Variants in DTD1 observed in about 807,000 individuals in gnomAD.
The protein encoded by DTD1 is D-aminoacyl-tRNA deacylase 1.
In DTD1, 13 loss-of-function variants were observed where a neutral mutation model predicts 25.6. That is an observed-to-expected ratio of 0.51 (90% CI 0.33 to 0.81). The LOEUF is 0.81. Among genes scored for constraint, DTD1 ranks in the 30% least tolerant of loss-of-function variants. The pLI is 0.02. For synonymous variants in DTD1, 110 were observed against 103.6 expected (o/e 1.06, Z -0.37); for missense variants, 193 against 266.4 (o/e 0.72, Z 1.92).
intron 5 of DTD1, among the ~76,000 whole-genome samples, chr20:18,747,419 T>C (rs1220458887): frequency 6.6e-6 from 1 of 152,144 alleles, no homozygotes; most frequent in African/African-American, 2.4e-5. Flanking sequence ...CTCCCCGCCA[T>C]GTTTCTGTGT....
chr20:18,708,277 A>ATTTT (rs376267580), intron 4 of DTD1, among the ~76,000 whole-genome samples: 1 of 15,588 alleles, frequency 6.4e-5, no homozygotes, highest in Non-Finnish European at 1.4e-4. Flanking sequence ...ATATATATAT[A>ATTTT]ATATATATTA....
chr20:18,756,331 A>G (rs571135347), intron 5 of DTD1, among the ~76,000 whole-genome samples: 176 of 152,304 alleles, frequency 1.2e-3, no homozygotes, highest in Middle Eastern at 3.4e-3. Flanking sequence ...TGTTTTAGAC[A>G]TGAAGTCCTT....
chr20:18,699,157 T>C (rs948189493), intron 4 of DTD1, among the ~76,000 whole-genome samples: 3 of 152,150 alleles, frequency 2.0e-5, no homozygotes, highest in Non-Finnish European at 2.9e-5. Flanking sequence ...GGGGCTCTTA[T>C]TTAATAGCCT....
intron 4 of DTD1, among the ~76,000 whole-genome samples, chr20:18,648,838 T>C (rs1384368098): frequency 1.3e-5 from 2 of 151,406 alleles, no homozygotes; most frequent in African/African-American, 4.9e-5. Flanking sequence ...CTACTAAAAA[T>C]ACAAAAAATT....
chr20:18,617,602 G>C (rs1284422493), intron 3 of DTD1, among the ~76,000 whole-genome samples: 1 of 151,970 alleles, frequency 6.6e-6, no homozygotes. Flanking sequence ...AGGTAGTTCA[G>C]ACATCAAAAT....
chr20:18,758,822 C>T (rs1169799368), intron 5 of DTD1, among the ~76,000 whole-genome samples: 1 of 152,108 alleles, frequency 6.6e-6, no homozygotes, highest in Non-Finnish European at 1.5e-5. Context: ...TCCTGTATAT[C>T]CTTGTTGACT....
intron 5 of DTD1, among the ~76,000 whole-genome samples, chr20:18,747,228 A>G (rs372940732): frequency 2.0e-5 from 3 of 152,202 alleles, no homozygotes; most frequent in East Asian, 3.9e-4. Flanking sequence ...TCAGAAACTC[A>G]TCGAGGTCTT....
intron 4 of DTD1, among the ~76,000 whole-genome samples, chr20:18,697,726 C>T (rs2061084058): frequency 6.6e-6 from 1 of 152,188 alleles, no homozygotes; most frequent in African/African-American, 2.4e-5. Context: ...GCTCTTTCGC[C>T]CAGGCCGGAG....
intron 4 of DTD1, among the ~76,000 whole-genome samples, chr20:18,659,859 A>G (rs2060902642): frequency 6.6e-6 from 1 of 152,166 alleles, no homozygotes; most frequent in Non-Finnish European, 1.5e-5. Flanking sequence ...ACCATAGCAC[A>G]TGTATACCTA....
At position 18,758,974 on chromosome 20, in the gene DTD1, C is replaced by G. The variant is rs563394241; in HGVS notation, c.*20-4386C>G. On this transcript the variant is annotated intron_variant, in intron 5 of 5. Transcript: ENST00000377452. The stretch of plus-strand genomic sequence containing the variant: ...TTAGCTCTTCTTGTTGAAATGATCT[C>G]TTTACCATTATGTAATGGCCTTCTT... Among the ~76,000 whole-genome samples, 195 of 152,318 alleles carry G rather than the reference C, an allele frequency of 1.3e-3. 1 individual carries two copies. Among genetic ancestry groups the G allele is most frequent in the African/African-American group, 4.6e-3 (191 of 41,566 alleles).
At chr20:18,639,147 A>T (rs1325513972) in intron 4 of DTD1, among the ~76,000 whole-genome samples, 1 of 150,450 alleles carries the variant, frequency 6.6e-6, no homozygotes, top group African/African-American at 2.5e-5. Flanking sequence ...GTCTGGACAC[A>T]AAAGCCAGAA....
chr20:18,753,593 G>A (rs1272108400), intron 5 of DTD1, among the ~76,000 whole-genome samples: 1 of 50,360 alleles, frequency 2.0e-5, no homozygotes, highest in African/African-American at 9.2e-5. Context: ...GGGCAATGAA[G>A]CGAAACTCTG....
At chr20:18,676,148 T>G (rs2060973385) in intron 4 of DTD1, among the ~76,000 whole-genome samples, 1 of 152,172 alleles carries the variant, frequency 6.6e-6, no homozygotes, top group Non-Finnish European at 1.5e-5. Context: ...GTAGCCCAGG[T>G]TGATGCTTGC....
intron 4 of DTD1, among the ~76,000 whole-genome samples, chr20:18,723,408 A>G (rs574744071): frequency 6.6e-6 from 1 of 152,340 alleles, no homozygotes; most frequent in South Asian, 2.1e-4. Flanking sequence ...GATAATAATA[A>G]GTATATTTCA....
At chr20:18,588,240 T>C in intron 1 of DTD1, 125 bp downstream of exon 1, 1 of 955,446 alleles carries the variant, frequency 1.0e-6, no homozygotes, top group Non-Finnish European at 1.3e-6. Context: ...CCTGGTCCCC[T>C]TCGCGAGCTC....
Position 18,708,306 on chromosome 20 carries a change from ATTTT to A in DTD1, c.478-35793_478-35790del, listed in dbSNP as rs1568677035. Among the ~76,000 whole-genome samples, 142 of 48,124 alleles carry A rather than the reference ATTTT, an allele frequency of 3.0e-3. 7 individuals carry two copies. The highest frequency in any genetic ancestry group is 4.3e-3 in the Non-Finnish European group (107 of 24,788). The allele number at this position is 48,124 out of a possible 152,430, so 31.6% of individuals were successfully genotyped here. On this transcript the variant is annotated intron_variant, in intron 4 of 5. Coordinates refer to ENST00000377452, the MANE Select transcript of DTD1 (RefSeq NM_080820.6). ...TATATTATATATATATAATATATAT[ATTTT>A]ATATATATATTATATATATATATTT... is the stretch of plus-strand genomic sequence containing the variant.
chr20:18,649,326 C>CTTTTTTTTT lies in DTD1; in HGVS notation c.477+21115_477+21123dup, dbSNP rs55766733. Among the ~76,000 whole-genome samples, 443 of 57,646 alleles carry CTTTTTTTTT rather than the reference C, an allele frequency of 7.7e-3. 108 individuals carry two copies. The highest frequency in any genetic ancestry group is 0.01 in the Non-Finnish European group (333 of 32,290). The allele number at this position is 57,646 out of a possible 152,430, so 37.8% of individuals were successfully genotyped here. A position where few individuals can be genotyped will look rare whatever the true frequency, so the allele number is the denominator to read the frequency against. ...TGGGCTTTCTCAGCCATTCATCTTTCTTTTTTTTTTTTTTTTTTTTTTTTT... is the reference window on the plus strand; with the variant it reads ...TGGGCTTTCTCAGCCATTCATCTTTCTTTTTTTTTTTTTTTTTTTTTTTTTTTTTTTTTT... On this transcript the variant is annotated intron_variant, in intron 4 of 5. Transcript: ENST00000377452.
chr20:18,630,959 T>G, intron 4 of DTD1: 1 of 561,414 alleles, frequency 1.8e-6, no homozygotes, highest in Non-Finnish European at 2.3e-6. Context: ...GTATGTGGTA[T>G]TGATTTGTCT....
In DTD1 at chr20:18,616,522, T is replaced by G. The variant is rs553876766; in HGVS notation, c.371-11605T>G. ...AAGCAATGTCAGCCACCACAGTGGC[T>G]CACACCTATAATCCCAGCACTTTGG... On this transcript the variant is annotated intron_variant, in intron 3 of 5. Coordinates refer to ENST00000377452, the MANE Select transcript of DTD1 (RefSeq NM_080820.6). 9.9e-5 allele frequency among the ~76,000 whole-genome samples: 15 copies of G among 152,144 alleles called. No individual in the cohort carries two copies. The South Asian group carries it at 2.9e-3, about 29-fold the overall frequency.
Sources: allele counts gnomAD v4.1 joint callset (sites outside exome capture counted in the v4.1 genomes callset), GRCh38; gene constraint gnomAD v4.1.1; transcripts MANE v1.5; gene names NCBI Gene and HGNC (gene_info 2026-07-23, HGNC 2026-07-21).